The following JAK2 variants were observed in gnomAD, a reference collection of about 807,000 sequenced individuals.
JAK2 encodes the protein Janus kinase 2, also known as tyrosine-protein kinase JAK2.
Under a neutral mutation model 139.3 loss-of-function variants are expected in JAK2, and 86 were observed. The observed-to-expected ratio is 0.62, with a 90% confidence interval of 0.52 to 0.74. The LOEUF (loss-of-function observed/expected upper bound fraction) is 0.74, where lower values mean the gene tolerates loss of function less well. JAK2 is among the 30% of genes least tolerant of loss of function. The pLI is 0.00. For missense variants in JAK2, 1,421 were observed against 1,360.3 expected, an observed-to-expected ratio of 1.04 and a Z score of -0.70; for synonymous variants, 490 against 437.7, an observed-to-expected ratio of 1.12 and a Z score of -1.49.
chr9:5,030,489 T>C (rs535830092), intron 4 of JAK2, among the ~76,000 whole-genome samples: 2 of 152,270 alleles, frequency 1.3e-5, no homozygotes, highest in East Asian at 1.9e-4. Flanking sequence ...TATATACATA[T>C]ATATATAATT....
At chr9:5,082,710 G>C (rs370443277) in intron 19 of JAK2, among the ~76,000 whole-genome samples, 1 of 152,338 alleles carries the variant, frequency 6.6e-6, no homozygotes, top group East Asian at 1.9e-4. Context: ...GCGGCTTTCC[G>C]CAGTGCATTG....
chr9:5,066,926 C>G (rs952955865), intron 10 of JAK2, 137 bp downstream of exon 10: 5 of 385,740 alleles, frequency 1.3e-5, no homozygotes, highest in Non-Finnish European at 2.3e-5. Flanking sequence ...TGCTTAATTT[C>G]CTCAGAGATT....
chr9:5,003,131 T>G (rs1821029179), intron 2 of JAK2, among the ~76,000 whole-genome samples: 2 of 151,988 alleles, frequency 1.3e-5, no homozygotes, highest in Non-Finnish European at 1.5e-5. Flanking sequence ...TTGTTCTATC[T>G]TTATGATAAA....
chr9:5,114,669 G>C, intron 22 of JAK2: 1 of 441,836 alleles, frequency 2.3e-6, no homozygotes, highest in East Asian at 6.0e-5. Flanking sequence ...CAAGGGCTCT[G>C]GCGTCTTAGT....
intron 8 of JAK2, among the ~76,000 whole-genome samples, chr9:5,061,534 T>A (rs1818170082): frequency 6.6e-6 from 1 of 152,238 alleles, no homozygotes; most frequent in Admixed American, 6.5e-5. Context: ...CCAACTTTTC[T>A]TCTGCAGCTT....
chr9:5,046,332 T>C (rs1255250394), intron 5 of JAK2, among the ~76,000 whole-genome samples: 3 of 152,206 alleles, frequency 2.0e-5, no homozygotes, highest in Non-Finnish European at 2.9e-5. Context: ...ACATGATTTG[T>C]AGATAGTTTT....
chr9:5,094,048 G>A (rs1820788995), intron 22 of JAK2: 2 of 152,246 alleles, frequency 1.3e-5, no homozygotes, highest in South Asian at 4.2e-4. Flanking sequence ...CCTGGCAATA[G>A]CATAAAACGT....
chr9:5,004,255 C>T (rs1261670107), intron 2 of JAK2, among the ~76,000 whole-genome samples: 3 of 152,112 alleles, frequency 2.0e-5, no homozygotes, highest in African/African-American at 4.8e-5. Flanking sequence ...ACAGAAATTT[C>T]GTATCCTTTG....
chr9:5,103,902 G>C (rs1351746937), intron 22 of JAK2, among the ~76,000 whole-genome samples: 1 of 151,936 alleles, frequency 6.6e-6, no homozygotes, highest in Non-Finnish European at 1.5e-5. Context: ...AGAATCTCTG[G>C]GACATATTTA....
chr9:5,101,342 A>G (rs1317110645), intron 22 of JAK2, among the ~76,000 whole-genome samples: 2 of 152,226 alleles, frequency 1.3e-5, no homozygotes, highest in Non-Finnish European at 2.9e-5. Context: ...GGCGTCCGCC[A>G]TTGCTGAGGC....
intron 4 of JAK2, among the ~76,000 whole-genome samples, chr9:5,038,435 C>T (rs1402293405): frequency 1.3e-5 from 2 of 152,032 alleles, no homozygotes; most frequent in Admixed American, 6.6e-5. Context: ...TTCAGTATTA[C>T]CCTGATAACA....
chr9:5,070,079 CT>C (rs2130530620), intron 12 of JAK2, 27 bp downstream of exon 12: 2 of 1,517,732 alleles, frequency 1.3e-6, no homozygotes, highest in Non-Finnish European at 1.8e-6. Context: ...TCATTACTGT[CT>C]TTTTTGTCCT....
At chr9:5,058,804 C>G (rs983183564) in intron 8 of JAK2, among the ~76,000 whole-genome samples, 7 of 152,112 alleles carry the variant, frequency 4.6e-5, no homozygotes, top group African/African-American at 9.7e-5. Context: ...TGCTGAGCGT[C>G]TTTTCATATA....
At chr9:5,082,376 C>G (rs776634086) in intron 19 of JAK2, among the ~76,000 whole-genome samples, 5 of 152,252 alleles carry the variant, frequency 3.3e-5, no homozygotes, top group Non-Finnish European at 7.3e-5. Flanking sequence ...ATTTATGCTT[C>G]TCTCCACCCA....
chr9:5,070,916 T>C (rs1818914738), intron 12 of JAK2, among the ~76,000 whole-genome samples: 1 of 152,136 alleles, frequency 6.6e-6, no homozygotes, highest in African/African-American at 2.4e-5. Flanking sequence ...GAGTTAAAAG[T>C]GAGACTATCC....
At chr9:5,068,900 A>G (rs1378761063) in intron 10 of JAK2, 122 bp from the exon 11 acceptor site, 2 of 597,362 alleles carry the variant, frequency 3.3e-6, no homozygotes, top group Non-Finnish European at 2.9e-6. Flanking sequence ...CTGGCACTAC[A>G]TCGGATTCAT....
At chr9:5,080,001 T>G (rs1313296621) in intron 16 of JAK2, among the ~76,000 whole-genome samples, 2 of 152,204 alleles carry the variant, frequency 1.3e-5, no homozygotes, top group African/African-American at 2.4e-5. Flanking sequence ...CTCAATCATA[T>G]GTCTCCATGT....
rs185624678 is a variant in JAK2, at chr9:5,038,744, C to T, written c.351-5659C>T. On this transcript the variant is annotated intron_variant, in intron 4 of 24. Transcript: ENST00000381652. ...GCTCTAAAGGTTTTGAATTTTGGAG[C>T]ATTTCGGATTTCAGATTTTCAGGTT... 3.6e-3 allele frequency among the ~76,000 whole-genome samples: 546 copies of T among 152,004 alleles called. 3 individuals carry two copies. The highest frequency in any genetic ancestry group is 0.013 in the African/African-American group (524 of 41,464).
intron 4 of JAK2, chr9:5,041,140 C>A: frequency 9.5e-7 from 1 of 1,047,282 alleles, no homozygotes. Flanking sequence ...TGATCGCCAT[C>A]CGGCTGATCA....
Sources: gnomAD v4.1 joint callset for allele counts (sites outside exome capture counted in the v4.1 genomes callset) on GRCh38, gnomAD v4.1.1 for gene constraint, MANE v1.5 for transcripts, NCBI Gene and HGNC (gene_info 2026-07-23, HGNC 2026-07-21) for gene names.